The following NRAP variants were observed in gnomAD, a reference collection of about 807,000 sequenced individuals.
The protein encoded by NRAP is nebulin related anchoring protein.
Under a neutral mutation model 225.9 loss-of-function variants are expected in NRAP, and 189 were observed. The ratio of observed to expected loss-of-function variants is 0.84; its 90% CI spans 0.74 to 0.94. The LOEUF (loss-of-function observed/expected upper bound fraction) is 0.94. Ranked by LOEUF, NRAP falls within the 40% of genes least tolerant of loss-of-function variation. The probability of loss-of-function intolerance (pLI) is 0.00; values close to 1 mark genes in which losing one functional copy is unlikely to be tolerated. For missense variants in NRAP, 2,176 were observed against 2,168.7 expected, an observed-to-expected ratio of 1.00 and a Z score of -0.07; for synonymous variants, 769 against 790.7, an observed-to-expected ratio of 0.97 and a Z score of 0.46.
rs150003211 is a variant in NRAP, at chr10:113,631,663, A to G, written c.1741-53T>C. 1.8e-4 allele frequency: 225 copies of G among 1,233,386 alleles called. 2 individuals are homozygous for G. In the African/African-American group the frequency reaches 3.3e-3, roughly 18 times the overall value. The allele number at this position is 1,233,386 out of a possible 1,614,324, so 76.4% of individuals were successfully genotyped here. On this transcript the variant is annotated intron_variant, in intron 17 of 41. Transcript: ENST00000359988. The stretch of plus-strand genomic sequence containing the variant: ...GAGTGAGAGAGAAACTTTGCCGTCT[A>G]AGGGGCTCTGGTTTTAACAAGTGCA...
intron 21 of NRAP, 39 bp downstream of exon 21, chr10:113,626,008 C>A: frequency 6.9e-7 from 1 of 1,456,098 alleles, no homozygotes; most frequent in Non-Finnish European, 9.4e-7. Flanking sequence ...AGGCCCATGA[C>A]ACAGCAGCTT....
At chr10:113,647,827 A>G (rs1325666598) in intron 9 of NRAP, among the ~76,000 whole-genome samples, 1 of 152,222 alleles carries the variant, frequency 6.6e-6, no homozygotes. Context: ...GACTAAATGT[A>G]TATTTCAGAC....
At position 113,629,734 on chromosome 10, in the gene NRAP, T is replaced by C. The variant is rs750209758; in HGVS notation, c.1894A>G (p.Met632Val). 12 of 1,614,000 alleles carry C rather than the reference T, an allele frequency of 7.4e-6. No homozygotes were observed. In the South Asian group the frequency reaches 9.9e-5, roughly 13 times the overall value. ...GCATGCCTGATGTTTACCATATCCA[T>C]GGGCAGGTGAAACCGGGTCTTACTC... ...EESKTRFHLP[M>V]DMVNIRHAKK... Residue 632 changes from methionine (M) to valine (V), a missense_variant, in exon 19 of 42, where the codon ATG becomes GTG. Coordinates refer to ENST00000359988, the MANE Select transcript of NRAP (RefSeq NM_198060.4).
intron 5 of NRAP, 24 bp from the exon 6 acceptor site, chr10:113,653,063 C>T (rs1243252750): frequency 2.3e-6 from 3 of 1,330,218 alleles, no homozygotes; most frequent in African/African-American, 3.1e-5. Flanking sequence ...CCAATGTCAG[C>T]ATGAGAACTG....
chr10:113,652,142 C>T (rs934543144), intron 6 of NRAP, among the ~76,000 whole-genome samples: 2 of 146,744 alleles, frequency 1.4e-5, no homozygotes, highest in Non-Finnish European at 3.0e-5. Context: ...GCTTAATCTC[C>T]ATAACAATCA....
rs878998890 is a variant in NRAP at position 113,589,785 on chromosome 10, A to G, written c.4969T>C (p.Ser1657Pro). ...ACACCTCTGGTCAGGTTCAAGTCTG[A>G]TTTATACTTGACCTTGAGGGTAAGA... ...HQLQSDVKYK[S>P]DLNLTRGVGW... The change falls in exon 41 of 42, where the codon TCA (serine) becomes CCA (proline). Residue 1657 changes from serine to proline, a missense_variant. By Grantham distance (74) the Ser-to-Pro change is moderately conservative (BLOSUM62 -1). This residue lies in a region of NRAP where 445 missense variants were observed against 426.1 expected (regional missense o/e 1.04). Transcript: ENST00000359988. 1 of 1,613,960 alleles carries G rather than the reference A, an allele frequency of 6.2e-7. No homozygotes were observed. The highest frequency in any genetic ancestry group is 8.5e-7 in the Non-Finnish European group (1 of 1,179,976).
intron 9 of NRAP, among the ~76,000 whole-genome samples, chr10:113,649,002 G>A (rs903224328): frequency 2.5e-4 from 38 of 152,206 alleles, no homozygotes; most frequent in African/African-American, 9.2e-4. Flanking sequence ...TTTAAAAGTT[G>A]TCCTGAGCTT....
intron 9 of NRAP, among the ~76,000 whole-genome samples, chr10:113,647,504 CAAGTGG>C (rs1564752417): frequency 1.3e-5 from 2 of 151,186 alleles, no homozygotes; most frequent in African/African-American, 4.9e-5. Context: ...ACTGCCTCCC[CAAGTGG>C]TACTGTCTCC....
At position 113,662,544 on chromosome 10, in the gene NRAP, T is replaced by C; in HGVS notation, c.255+135A>G. 3 of 652,036 alleles carry C rather than the reference T, an allele frequency of 4.6e-6. 1 individual carries two copies. Among genetic ancestry groups the C allele is most frequent in the South Asian group, 3.6e-5 (2 of 55,322 alleles). 40.4% of individuals were successfully genotyped at this position (652,036 alleles called of 1,614,324 possible). A position where few individuals can be genotyped will look rare whatever the true frequency, so the allele number is the denominator to read the frequency against. Reference sequence around the variant, plus strand: ...CTCAAACCATCTGCCCGCTTTGGCCTCCCAAAGTGTTGGAATTGTAGGTGT... The same window carrying C: ...CTCAAACCATCTGCCCGCTTTGGCCCCCCAAAGTGTTGGAATTGTAGGTGT... On this transcript the variant is annotated intron_variant, in intron 3 of 41. Coordinates refer to ENST00000359988, the MANE Select transcript of NRAP (RefSeq NM_198060.4).
chr10:113,601,881 A>G (rs1448186310), intron 35 of NRAP, among the ~76,000 whole-genome samples: 1 of 152,006 alleles, frequency 6.6e-6, no homozygotes, highest in East Asian at 1.9e-4. Flanking sequence ...CTTTTCTTTT[A>G]CTTTCTTTTT....
intron 14 of NRAP, among the ~76,000 whole-genome samples, chr10:113,635,177 T>C (rs1848798688): frequency 6.6e-6 from 1 of 152,154 alleles, no homozygotes; most frequent in Non-Finnish European, 1.5e-5. Context: ...CACAAGAATA[T>C]ATGCATCATA....
chr10:113,597,837 G>C (rs768511618), intron 36 of NRAP, 132 bp downstream of exon 36: 74 of 703,524 alleles, frequency 1.1e-4, no homozygotes, highest in Non-Finnish European at 1.7e-4. Flanking sequence ...GGTTGCACAT[G>C]GCCCTCCAAA....
intron 35 of NRAP, among the ~76,000 whole-genome samples, chr10:113,603,046 A>G (rs1341394748): frequency 6.6e-6 from 1 of 152,196 alleles, no homozygotes; most frequent in African/African-American, 2.4e-5. Flanking sequence ...ACGTTGAGAA[A>G]CCCTGACACA....
chr10:113,663,222 C>T (rs570059792), intron 2 of NRAP, 130 bp downstream of exon 2: 6 of 645,732 alleles, frequency 9.3e-6, no homozygotes, highest in Non-Finnish European at 1.7e-5. Flanking sequence ...TGACAGGATA[C>T]AAGGGAACAC....
chr10:113,589,403 C>T (rs893241507), intron 41 of NRAP: 6 of 577,114 alleles, frequency 1.0e-5, no homozygotes, highest in South Asian at 2.2e-5. Flanking sequence ...TGCCCTGGCC[C>T]GGGATTGATG....
intron 35 of NRAP, among the ~76,000 whole-genome samples, chr10:113,602,176 C>T (rs1440655086): frequency 6.6e-6 from 1 of 152,210 alleles, no homozygotes; most frequent in Non-Finnish European, 1.5e-5. Context: ...CCACACCCGG[C>T]CCCTTTTTGC....
chr10:113,617,305 C>G (rs1847725162), intron 26 of NRAP, 150 bp downstream of exon 26: 1 of 524,452 alleles, frequency 1.9e-6, no homozygotes, highest in African/African-American at 1.9e-5. Context: ...GAGGAAGCAC[C>G]CCCCGCTAAG....
Position 113,651,892 on chromosome 10 carries a change from C to G in NRAP, c.586G>C (p.Gly196Arg). The change falls in exon 7 of 42, where the codon GGG (glycine) becomes CGG (arginine). Residue 196 changes from glycine to arginine, a missense_variant. This residue lies in a region of NRAP where 1,708 missense variants were observed against 1,695.5 expected (regional missense o/e 1.01). Coordinates refer to ENST00000359988, the MANE Select transcript of NRAP (RefSeq NM_198060.4). ...AACCTGGAGATGCGTTCATCATGCC[C>G]TCTCTTATACTCCACCTGATGAGAA... ...QLASQVEYKRGHDERISRFST... is the reference protein window; with the variant it reads ...QLASQVEYKRRHDERISRFST... The G allele has an allele frequency of 1.2e-6, 2 of 1,610,092 alleles. No homozygotes were observed. The highest frequency in any genetic ancestry group is 8.5e-7 in the Non-Finnish European group (1 of 1,176,428).
At chr10:113,663,257 T>G in intron 2 of NRAP, 95 bp downstream of exon 2, 1 of 751,154 alleles carries the variant, frequency 1.3e-6, no homozygotes, top group Non-Finnish European at 2.4e-6. Flanking sequence ...TTTCTTGGAT[T>G]TAACCCTGGG....
Sources: gnomAD v4.1 joint callset for allele counts (sites outside exome capture counted in the v4.1 genomes callset) on GRCh38, gnomAD v4.1.1 for gene constraint, gnomAD v4.1.1 regional missense constraint, MANE v1.5 for transcripts, NCBI Gene and HGNC (gene_info 2026-07-23, HGNC 2026-07-21) for gene names.